PTPRK: variants seen among roughly 807,000 people sequenced by gnomAD.
PTPRK encodes the protein receptor-type tyrosine-protein phosphatase kappa.
A neutral mutation model predicts 178.0 loss-of-function variants in PTPRK; 75 were observed. The ratio of observed to expected loss-of-function variants is 0.42; its 90% CI spans 0.35 to 0.51. PTPRK has a LOEUF of 0.51. Among genes scored for constraint, PTPRK ranks in the 20% least tolerant of loss-of-function variants. The pLI, the probability that PTPRK is intolerant of heterozygous loss-of-function variation, is 0.02. For synonymous variants in PTPRK, 637 were observed against 620.6 expected, an observed-to-expected ratio of 1.03 and a Z score of -0.39; for missense variants, 1,441 against 1,797.8, an observed-to-expected ratio of 0.80 and a Z score of 3.59.
intron 27 of PTPRK, among the ~76,000 whole-genome samples, 199 bp downstream of exon 27, chr6:127,976,458 C>T (rs533801498): frequency 6.0e-4 from 92 of 152,280 alleles, no homozygotes; most frequent in African/African-American, 2.2e-3. Flanking sequence ...TAGTGACTGA[C>T]CGAAAAACCT....
At chr6:128,306,956 G>C (rs1332012751) in intron 3 of PTPRK, among the ~76,000 whole-genome samples, 1 of 151,932 alleles carries the variant, frequency 6.6e-6, no homozygotes, top group Non-Finnish European at 1.5e-5. Context: ...GCATGAAATA[G>C]GGTGGTAGTA....
intron 2 of PTPRK, among the ~76,000 whole-genome samples, chr6:128,390,871 T>C (rs555446554): frequency 3.0e-4 from 45 of 152,280 alleles, no homozygotes; most frequent in Admixed American, 2.9e-3. Flanking sequence ...TGGTAGCTAA[T>C]AGTAGTAAGT....
At chr6:128,018,180 G>A (rs542162512) in intron 13 of PTPRK, among the ~76,000 whole-genome samples, 11 of 152,060 alleles carry the variant, frequency 7.2e-5, no homozygotes, top group Admixed American at 4.6e-4. Flanking sequence ...TATGGCTAAT[G>A]ATTTTTACAT....
At chr6:128,295,320 T>A (rs1262579313) in intron 3 of PTPRK, among the ~76,000 whole-genome samples, 2 of 152,110 alleles carry the variant, frequency 1.3e-5, no homozygotes, top group African/African-American at 4.8e-5. Context: ...CTGGTGGTAA[T>A]TTGCCAACCT....
chr6:128,412,300 G>A (rs1842397705), intron 1 of PTPRK, among the ~76,000 whole-genome samples: 1 of 152,168 alleles, frequency 6.6e-6, no homozygotes, highest in African/African-American at 2.4e-5. Flanking sequence ...CCTTGGTGGG[G>A]GGTACATTAA....
rs994936848 is a variant in PTPRK, at chr6:127,979,973, T to C, written c.3711+1143A>G. On this transcript the variant is annotated intron_variant, in intron 25 of 29. Transcript: ENST00000368226. ...GTGGGCGGATCATGAGGTCAGGAGT[T>C]TGAGACCAGCCTGGCCAATGTGGTG... 2.6e-5 allele frequency among the ~76,000 whole-genome samples: 4 copies of C among 152,142 alleles called. No homozygotes were observed. The South Asian group carries it at 8.3e-4, about 32-fold the overall frequency.
chr6:128,438,989 T>G (rs550358363), intron 1 of PTPRK, among the ~76,000 whole-genome samples: 1 of 152,306 alleles, frequency 6.6e-6, no homozygotes, highest in East Asian at 1.9e-4. Context: ...AACTCCAAAC[T>G]TAACGTTCTT....
At chr6:128,163,628 A>C (rs565279554) in intron 7 of PTPRK, among the ~76,000 whole-genome samples, 2 of 151,624 alleles carry the variant, frequency 1.3e-5, no homozygotes, top group East Asian at 3.9e-4. Flanking sequence ...ACTGAAGCTT[A>C]GTCCGTTTGT....
intron 13 of PTPRK, among the ~76,000 whole-genome samples, chr6:128,052,932 C>T (rs1306427462): frequency 1.3e-5 from 2 of 151,998 alleles, no homozygotes; most frequent in Non-Finnish European, 2.9e-5. Flanking sequence ...TCTTGCTATG[C>T]CCTCATTATT....
intron 2 of PTPRK, among the ~76,000 whole-genome samples, chr6:128,362,248 G>A (rs1164578222): frequency 6.6e-6 from 1 of 152,182 alleles, no homozygotes. Context: ...AAGGGAGGAA[G>A]GAGGAAAGTG....
chr6:128,108,356 A>G (rs1790080567), intron 7 of PTPRK, among the ~76,000 whole-genome samples: 1 of 152,222 alleles, frequency 6.6e-6, no homozygotes, highest in African/African-American at 2.4e-5. Context: ...CCTAGTGCAG[A>G]AAAAGAGAGT....
At chr6:128,348,897 G>T (rs1441331016) in intron 2 of PTPRK, among the ~76,000 whole-genome samples, 1 of 152,020 alleles carries the variant, frequency 6.6e-6, no homozygotes, top group African/African-American at 2.4e-5. Flanking sequence ...AGGCACCACA[G>T]CATAGAAATG....
intron 7 of PTPRK, among the ~76,000 whole-genome samples, chr6:128,166,502 T>C (rs1489094337): frequency 6.6e-6 from 1 of 151,670 alleles, no homozygotes; most frequent in Non-Finnish European, 1.5e-5. Context: ...GATAATCGTA[T>C]CAAATGCTGG....
intron 7 of PTPRK, among the ~76,000 whole-genome samples, chr6:128,096,685 A>T (rs1787966371): frequency 6.6e-6 from 1 of 152,212 alleles, no homozygotes; most frequent in Non-Finnish European, 1.5e-5. Context: ...GAAGCATGAC[A>T]GGAGCTTCGT....
At chr6:128,424,298 G>A (rs1562492448) in intron 1 of PTPRK, among the ~76,000 whole-genome samples, 3 of 152,244 alleles carry the variant, frequency 2.0e-5, no homozygotes, top group South Asian at 4.1e-4. Flanking sequence ...TAAAGATATA[G>A]TGCAGAGAAA....
chr6:128,193,090 A>G (rs1804130919), intron 6 of PTPRK, among the ~76,000 whole-genome samples: 1 of 152,126 alleles, frequency 6.6e-6, no homozygotes, highest in Admixed American at 6.5e-5. Context: ...TGTTAACATT[A>G]AGCCCTTAAA....
chr6:128,361,690 G>C (rs182271085), intron 2 of PTPRK, among the ~76,000 whole-genome samples: 1 of 151,776 alleles, frequency 6.6e-6, no homozygotes, highest in East Asian at 1.9e-4. Flanking sequence ...GCATCACAAT[G>C]GTATTTTTAT....
intron 2 of PTPRK, among the ~76,000 whole-genome samples, chr6:128,369,018 C>T (rs1835907890): frequency 6.6e-6 from 1 of 152,046 alleles, no homozygotes; most frequent in Non-Finnish European, 1.5e-5. Flanking sequence ...ACATAGTTGA[C>T]TTAATTCACG....
intron 6 of PTPRK, among the ~76,000 whole-genome samples, chr6:128,205,354 C>A (rs746661239): frequency 7.9e-5 from 12 of 151,930 alleles, no homozygotes; most frequent in African/African-American, 1.9e-4. Context: ...GTGCAGCAAA[C>A]CACCATGGGA....
Sources: gnomAD v4.1 joint callset for allele counts (sites outside exome capture counted in the v4.1 genomes callset) on GRCh38, gnomAD v4.1.1 for gene constraint, MANE v1.5 for transcripts, NCBI Gene and HGNC (gene_info 2026-07-23, HGNC 2026-07-21) for gene names.